The following TEX15 variants were observed in gnomAD, a reference collection of about 807,000 sequenced individuals.
TEX15 encodes the protein testis-expressed protein 15.
In TEX15, 171 loss-of-function variants were observed where a neutral mutation model predicts 237.3. That is an observed-to-expected ratio of 0.72 (90% CI 0.64 to 0.82). TEX15 has a LOEUF of 0.82. Ranked by LOEUF, TEX15 falls within the 40% of genes least tolerant of loss-of-function variation. TEX15 has a pLI of 0.00. For synonymous variants in TEX15, 1,338 were observed against 1,269.8 expected (o/e 1.05, Z -1.14); for missense variants, 3,750 against 3,646.5 (o/e 1.03, Z -0.73).
At chr8:30,860,488 T>C (rs1359915561) in intron 5 of TEX15, among the ~76,000 whole-genome samples, 1 of 151,660 alleles carries the variant, frequency 6.6e-6, no homozygotes, top group East Asian at 1.9e-4. Flanking sequence ...TGACTCAACA[T>C]GGCAATTATG....
chr8:30,887,132 G>A (rs1205823072), intron 3 of TEX15, 35 bp downstream of exon 3: 1 of 1,503,226 alleles, frequency 6.7e-7, no homozygotes, highest in Non-Finnish European at 8.9e-7. Flanking sequence ...TACAGTAATA[G>A]TTACTAAAAA....
In TEX15 at chr8:30,858,308, TTTTTC is replaced by T. The variant is rs1439110132; in HGVS notation, c.850+355_850+359del. Among the ~76,000 whole-genome samples, 4 of 151,682 alleles carry T rather than the reference TTTTTC, an allele frequency of 2.6e-5. No individual in the cohort carries two copies. The East Asian group carries it at 7.7e-4, about 29-fold the overall frequency. On this transcript the variant is annotated intron_variant, in intron 7 of 10. Coordinates refer to ENST00000643185, the MANE Select transcript of TEX15 (RefSeq NM_001350162.2). Reference sequence around the variant, plus strand: ...TTGGAGATTCACTACTTTTTTTATCTTTTTCTTTTTTTTTTTTTGTTTGTGACAAG... The same window carrying T: ...TTGGAGATTCACTACTTTTTTTATCTTTTTTTTTTTTTTGTTTGTGACAAG...
In TEX15 at chr8:30,843,146, T is replaced by C; in HGVS notation, c.7021A>G (p.Arg2341Gly). Residue 2341 changes from arginine (R) to glycine (G), a missense_variant, in exon 8 of 11, where the codon AGA (arginine) becomes GGA (glycine). Arg to Gly is a moderately radical substitution (Grantham distance 125, BLOSUM62 -2). Transcript: ENST00000643185. ...GLEEDTIIASRKSDHPINEAT... is the reference protein window; with the variant it reads ...GLEEDTIIASGKSDHPINEAT... ...TCGTTTATTGGATGATCTGACTTTC[T>C]GGAAGCAATTATAGTATCCTCCTCA... The C allele has an allele frequency of 1.2e-6, 2 of 1,613,132 alleles. No homozygotes were observed. Among genetic ancestry groups the C allele is most frequent in the Non-Finnish European group, 1.7e-6 (2 of 1,179,516 alleles).
At chr8:30,908,047 C>G (rs888284721) in intron 1 of TEX15, among the ~76,000 whole-genome samples, 3 of 152,140 alleles carry the variant, frequency 2.0e-5, no homozygotes, top group South Asian at 2.1e-4. Flanking sequence ...ACCCCCTCTA[C>G]CCAGGAGCTG....
Position 30,845,433 on chromosome 8 carries a change from A to C in TEX15, c.4734T>G (p.Phe1578Leu). 1.2e-6 allele frequency: 2 copies of C among 1,612,614 alleles called. No homozygotes were observed. Among genetic ancestry groups the C allele is most frequent in the South Asian group, 2.2e-5 (2 of 90,940 alleles). The change falls in exon 8 of 11, where the codon TTT becomes TTG. Residue 1578 changes from phenylalanine to leucine, a missense_variant. Coordinates refer to ENST00000643185, the MANE Select transcript of TEX15 (RefSeq NM_001350162.2). Reference protein sequence around the residue: ...IEKENQIDTAFLSSTSKYEKL... With the variant: ...IEKENQIDTALLSSTSKYEKL... ...TTTCATATTTACTAGTGCTAGATAA[A>C]AATGCTGTATCAATTTGATTTTCTT... is the stretch of plus-strand genomic sequence containing the variant.
intron 7 of TEX15, among the ~76,000 whole-genome samples, chr8:30,851,455 C>A (rs1326973256): frequency 2.6e-5 from 4 of 151,900 alleles, no homozygotes; most frequent in Non-Finnish European, 5.9e-5. Flanking sequence ...CATGGTGAAA[C>A]ACTGTCTCTA....
rs115271026 is a variant in TEX15, at chr8:30,877,689, A to G, written c.137-2587T>C. 9.1e-3 allele frequency among the ~76,000 whole-genome samples: 1,385 copies of G among 152,266 alleles called. 23 individuals are homozygous for G. The highest frequency in any genetic ancestry group is 0.031 in the African/African-American group (1,308 of 41,546). On this transcript the variant is annotated intron_variant, in intron 3 of 10. Transcript: ENST00000643185. ...AATCTAGATTCACAGGAAGTTGCAA[A>G]AACAGTTCACAGAGGTCCTGTGTAC... is the stretch of plus-strand genomic sequence containing the variant.
rs553728306 is a variant in TEX15 at position 30,848,843 on chromosome 8, T to C, written c.1324A>G (p.Ser442Gly). 1.2e-6 allele frequency: 2 copies of C among 1,614,112 alleles called. No individual in the cohort carries two copies. Among genetic ancestry groups the C allele is most frequent in the Admixed American group, 3.3e-5 (2 of 60,024 alleles). ...GCAGTACTACTCTGTTCTCCCATAC[T>C]TTCTTCTCTCCTCATCAGTCTTGGG... ...KDPRLMRREE[S>G]MGEQSSTAGL... The change falls in exon 8 of 11, where the codon AGT becomes GGT. Residue 442 changes from serine to glycine, a missense_variant. By Grantham distance (56) the Ser-to-Gly change is moderately conservative. Transcript: ENST00000643185.
rs1393414808 is a variant in TEX15 at position 30,846,277 on chromosome 8, G to A, written c.3890C>T (p.Ser1297Leu). The A allele has an allele frequency of 1.2e-6, 2 of 1,613,226 alleles. No individual in the cohort carries two copies. Among genetic ancestry groups the A allele is most frequent in the African/African-American group, 1.3e-5 (1 of 74,978 alleles). ...ATGTAGCTTCCTTTTGCTAATTCTT[G>A]ATTCTACCTCCTTTTTATTTTTGGT... ...NDTKNKKEVE[S>L]RISKRKLHIS... Residue 1297 changes from serine (S) to leucine (L), a missense_variant, in exon 8 of 11, where the codon TCA (serine) becomes TTA (leucine). Physicochemically the swap from Ser to Leu is moderately radical, Grantham distance 145. Coordinates refer to ENST00000643185, the MANE Select transcript of TEX15 (RefSeq NM_001350162.2).
intron 3 of TEX15, 44 bp downstream of exon 3, chr8:30,887,123 A>G (rs1355274007): frequency 3.4e-6 from 5 of 1,458,862 alleles, no homozygotes; most frequent in East Asian, 2.5e-5. Context: ...TCAGAGAAAT[A>G]CAGTAATAGT....
At position 30,837,066 on chromosome 8, in the gene TEX15, G is replaced by A; in HGVS notation, c.9218C>T (p.Pro3073Leu). 6.2e-7 allele frequency: 1 copy of A among 1,614,166 alleles called. No homozygotes were observed. Among genetic ancestry groups the A allele is most frequent in the Admixed American group, 1.7e-5 (1 of 60,016 alleles). Reference protein sequence around the residue: ...GITSYEVQPSPSGLLTTVAST... With the variant: ...GITSYEVQPSLSGLLTTVAST... Reference sequence around the variant, plus strand: ...TGCAACTGTGGTCAACAGCCCAGAAGGAGATGGCTGTACTTCATATGATGT... The same window carrying A: ...TGCAACTGTGGTCAACAGCCCAGAAAGAGATGGCTGTACTTCATATGATGT... The change falls in exon 10 of 11, where the codon CCT becomes CTT. Residue 3073 changes from proline (P) to leucine (L), a missense_variant. Pro to Leu is a moderately conservative substitution (Grantham distance 98, BLOSUM62 -3). Coordinates refer to ENST00000643185, the MANE Select transcript of TEX15 (RefSeq NM_001350162.2).
At chr8:30,849,560 A>G (rs1303607377) in intron 7 of TEX15, among the ~76,000 whole-genome samples, 1 of 152,158 alleles carries the variant, frequency 6.6e-6, no homozygotes, top group East Asian at 1.9e-4. Flanking sequence ...TTTGCCATAA[A>G]AGTTTAATTC....
intron 4 of TEX15, among the ~76,000 whole-genome samples, chr8:30,873,564 C>T (rs138519385): frequency 3.9e-5 from 6 of 152,058 alleles, no homozygotes; most frequent in African/African-American, 9.7e-5. Flanking sequence ...TTCCTCATTG[C>T]CCTCTTCCCT....
intron 1 of TEX15, among the ~76,000 whole-genome samples, chr8:30,902,920 A>T (rs1277670468): frequency 6.6e-6 from 1 of 152,252 alleles, no homozygotes; most frequent in African/African-American, 2.4e-5. Flanking sequence ...TACATTTCTC[A>T]AGGTGTTCAT....
intron 1 of TEX15, among the ~76,000 whole-genome samples, chr8:30,908,098 A>T (rs1291142463): frequency 6.6e-6 from 1 of 151,918 alleles, no homozygotes; most frequent in Non-Finnish European, 1.5e-5. Flanking sequence ...TAATACTTAA[A>T]TTTTTTGTAG....
Position 30,847,727 on chromosome 8 carries a change from GTTCA to G in TEX15, c.2436_2439del (p.Glu813GlnfsTer4). The stretch of plus-strand genomic sequence containing the variant: ...CTCTGAATGTTCTCTAATGACACTG[GTTCA>G]TTTTCATTTTTCCTATGGACACATA... On this transcript the variant is annotated frameshift_variant, in exon 8 of 11. Coordinates refer to ENST00000643185, the MANE Select transcript of TEX15 (RefSeq NM_001350162.2). LOFTEE classifies it high-confidence loss of function. The G allele has an allele frequency of 1.2e-6, 2 of 1,613,582 alleles. No individual in the cohort carries two copies. Among genetic ancestry groups the G allele is most frequent in the South Asian group, 1.1e-5 (1 of 91,050 alleles).
Position 30,842,403 on chromosome 8 carries a change from G to T in TEX15, c.7764C>A (p.Tyr2588Ter). The change falls in exon 8 of 11, where the codon TAC becomes TAA. Residue 2588 changes from tyrosine (Y) to a stop codon, truncating the protein, a stop_gained. Transcript: ENST00000643185. LOFTEE classifies it high-confidence loss of function. ...GSTVTELEYN[Y>*]NQFSTLLKNV... ...TCTTCAGCAGTGTAGAAAATTGATTGTAGTTGTATTCTAACTCTGTCACAG... is the reference window on the plus strand; with the variant it reads ...TCTTCAGCAGTGTAGAAAATTGATTTTAGTTGTATTCTAACTCTGTCACAG... 1 of 1,613,678 alleles carries T rather than the reference G, an allele frequency of 6.2e-7. No individual in the cohort carries two copies. Among genetic ancestry groups the T allele is most frequent in the Non-Finnish European group, 8.5e-7 (1 of 1,179,820 alleles).
intron 1 of TEX15, among the ~76,000 whole-genome samples, chr8:30,908,146 A>G (rs1017144617): frequency 2.0e-5 from 3 of 152,098 alleles, no homozygotes; most frequent in African/African-American, 4.8e-5. Flanking sequence ...CTGGTCTTGA[A>G]TTCCTGAGTC....
chr8:30,896,015 C>T (rs919279508), intron 2 of TEX15, among the ~76,000 whole-genome samples: 1 of 152,060 alleles, frequency 6.6e-6, no homozygotes, highest in South Asian at 2.1e-4. Flanking sequence ...TCAGTACCAT[C>T]ACAGTGACTT....
Sources: gnomAD v4.1 joint callset for allele counts (sites outside exome capture counted in the v4.1 genomes callset) on GRCh38, gnomAD v4.1.1 for gene constraint, MANE v1.5 for transcripts, NCBI Gene and HGNC (gene_info 2026-07-23, HGNC 2026-07-21) for gene names.